Variants in GPC5 observed in about 807,000 individuals in gnomAD.
GPC5 encodes the protein glypican-5.
In GPC5, 47 loss-of-function variants were observed where a neutral mutation model predicts 53.9. The ratio of observed to expected loss-of-function variants is 0.87; its 90% CI spans 0.69 to 1.11. GPC5 has a LOEUF of 1.11. GPC5 is among the 50% of genes most tolerant of loss of function. GPC5 has a pLI of 0.00. For missense variants in GPC5, 748 were observed against 713.1 expected, an observed-to-expected ratio of 1.05 and a Z score of -0.56; for synonymous variants, 286 against 263.3, an observed-to-expected ratio of 1.09 and a Z score of -0.84.
intron 7 of GPC5, among the ~76,000 whole-genome samples, chr13:92,209,190 G>T (rs2042357988): frequency 6.6e-6 from 1 of 152,126 alleles, no homozygotes; most frequent in Admixed American, 6.5e-5. Context: ...ATCTCTGTCA[G>T]TTATTTCTGA....
intron 6 of GPC5, among the ~76,000 whole-genome samples, chr13:92,064,628 G>C (rs1354726059): frequency 1.3e-5 from 2 of 151,798 alleles, no homozygotes; most frequent in Non-Finnish European, 2.9e-5. Context: ...TGGTGGGGGG[G>C]CGCCTGTAAT....
At chr13:91,619,701 G>A (rs2033800685) in intron 2 of GPC5, among the ~76,000 whole-genome samples, 1 of 152,132 alleles carries the variant, frequency 6.6e-6, no homozygotes, top group African/African-American at 2.4e-5. Flanking sequence ...ATAAGAATGT[G>A]TGAAATGCTA....
At chr13:91,855,234 A>G (rs1254167189) in intron 5 of GPC5, among the ~76,000 whole-genome samples, 2 of 151,728 alleles carry the variant, frequency 1.3e-5, no homozygotes, top group Admixed American at 6.6e-5. Context: ...ACTAGCTCCT[A>G]GTAACCATGG....
chr13:92,510,000 A>G (rs1255847638), intron 7 of GPC5: 1 of 152,160 alleles, frequency 6.6e-6, no homozygotes, highest in African/African-American at 2.4e-5. Context: ...ATTGTATAAG[A>G]GATTTTGAGG....
chr13:91,589,566 A>C (rs553905910), intron 2 of GPC5, among the ~76,000 whole-genome samples: 12 of 152,292 alleles, frequency 7.9e-5, no homozygotes, highest in African/African-American at 2.9e-4. Flanking sequence ...GATAGGAAGG[A>C]GAGATCTATA....
At chr13:91,902,317 C>T (rs906559652) in intron 5 of GPC5, among the ~76,000 whole-genome samples, 1 of 151,846 alleles carries the variant, frequency 6.6e-6, no homozygotes, top group African/African-American at 2.4e-5. Flanking sequence ...TATTACAATG[C>T]CTTTTAAAAT....
chr13:91,833,439 C>A (rs1381192623), intron 5 of GPC5, among the ~76,000 whole-genome samples: 2 of 151,996 alleles, frequency 1.3e-5, no homozygotes, highest in Non-Finnish European at 2.9e-5. Context: ...GGCACAACAA[C>A]AACAACAAAA....
intron 7 of GPC5, among the ~76,000 whole-genome samples, chr13:92,668,639 C>T (rs1354600799): frequency 1.3e-5 from 2 of 151,994 alleles, no homozygotes; most frequent in African/African-American, 4.8e-5. Flanking sequence ...TAGAAAAGTA[C>T]TACTTAGCTC....
At chr13:92,127,105 AG>A (rs1049932322) in intron 6 of GPC5, among the ~76,000 whole-genome samples, 2 of 151,954 alleles carry the variant, frequency 1.3e-5, no homozygotes, top group Admixed American at 6.6e-5. Context: ...TTATAATGGA[AG>A]GGGGGGTGAT....
chr13:91,931,702 A>T lies in GPC5; in HGVS notation c.1401+23645A>T, dbSNP rs559941687. 5.5e-4 allele frequency among the ~76,000 whole-genome samples: 84 copies of T among 152,140 alleles called. 1 individual carries two copies. In the South Asian group the frequency reaches 0.016, roughly 29 times the overall value. On this transcript the variant is annotated intron_variant, in intron 6 of 7. Coordinates refer to ENST00000377067, the MANE Select transcript of GPC5 (RefSeq NM_004466.6). ...ATGACACGCATTGCACATAACCTTC[A>T]AAGTACTGGAAGCGGAAAAAGGGAG...
intron 7 of GPC5, among the ~76,000 whole-genome samples, chr13:92,162,233 C>T (rs1169113839): frequency 6.6e-6 from 1 of 151,916 alleles, no homozygotes; most frequent in African/African-American, 2.4e-5. Context: ...ATAGTTCCAA[C>T]ATCATGGTTA....
intron 7 of GPC5, among the ~76,000 whole-genome samples, chr13:92,835,212 T>C (rs1566438300): frequency 6.6e-6 from 1 of 152,060 alleles, no homozygotes; most frequent in Non-Finnish European, 1.5e-5. Context: ...TAAACACACT[T>C]GCATTAATAT....
At chr13:92,741,547 T>C (rs1037581876) in intron 7 of GPC5, among the ~76,000 whole-genome samples, 1 of 152,028 alleles carries the variant, frequency 6.6e-6, no homozygotes, top group African/African-American at 2.4e-5. Flanking sequence ...GCATTAATAA[T>C]GGAAGGCAAC....
At chr13:91,574,924 T>C (rs886898533) in intron 2 of GPC5, among the ~76,000 whole-genome samples, 1 of 152,152 alleles carries the variant, frequency 6.6e-6, no homozygotes, top group Non-Finnish European at 1.5e-5. Flanking sequence ...AAAATACAGA[T>C]GGCTAGGAAT....
intron 7 of GPC5, among the ~76,000 whole-genome samples, chr13:92,826,978 C>T (rs913899948): frequency 4.6e-5 from 7 of 152,104 alleles, no homozygotes; most frequent in Non-Finnish European, 1.0e-4. Flanking sequence ...GTCATCTACC[C>T]ATTAATATTT....
At chr13:92,761,433 A>G (rs1325451379) in intron 7 of GPC5, among the ~76,000 whole-genome samples, 1 of 152,228 alleles carries the variant, frequency 6.6e-6, no homozygotes, top group Non-Finnish European at 1.5e-5. Flanking sequence ...CTATCATTAA[A>G]TAATGACCTG....
At chr13:91,420,350 G>A (rs2138980562) in intron 1 of GPC5, among the ~76,000 whole-genome samples, 1 of 152,164 alleles carries the variant, frequency 6.6e-6, no homozygotes, top group South Asian at 2.1e-4. Context: ...TGAGTATATA[G>A]CTGTACTCCT....
chr13:92,595,072 A>G (rs1328688789), intron 7 of GPC5, among the ~76,000 whole-genome samples: 1 of 152,146 alleles, frequency 6.6e-6, no homozygotes, highest in Non-Finnish European at 1.5e-5. Context: ...TTTCCAAATC[A>G]TTACCTAGAT....
intron 2 of GPC5, among the ~76,000 whole-genome samples, chr13:91,634,288 C>T (rs1177670915): frequency 6.6e-6 from 1 of 151,922 alleles, no homozygotes; most frequent in Non-Finnish European, 1.5e-5. Context: ...AATACAGAAT[C>T]AAGATTTCGA....
Sources: gnomAD v4.1 joint callset for allele counts (sites outside exome capture counted in the v4.1 genomes callset) on GRCh38, gnomAD v4.1.1 for gene constraint, MANE v1.5 for transcripts, NCBI Gene and HGNC (gene_info 2026-07-23, HGNC 2026-07-21) for gene names.